ZNF773: variants seen among roughly 807,000 people sequenced by gnomAD.
The protein encoded by ZNF773 is zinc finger protein 419B.
ZNF773 carries 11 observed loss-of-function variants against 12.8 expected under a neutral mutation model. The ratio of observed to expected loss-of-function variants is 0.86; its 90% CI spans 0.54 to 1.42. The LOEUF (loss-of-function observed/expected upper bound fraction) is 1.42. Ranked by LOEUF, ZNF773 falls within the 40% of genes most tolerant of loss-of-function variation. The pLI is 0.00. For missense variants in ZNF773, 518 were observed against 527.2 expected, an observed-to-expected ratio of 0.98 and a Z score of 0.17; for synonymous variants, 175 against 178.4, an observed-to-expected ratio of 0.98 and a Z score of 0.15.
intron 1 of ZNF773, among the ~76,000 whole-genome samples, chr19:57,503,102 C>T (rs1424020361): frequency 6.6e-6 from 1 of 152,072 alleles, no homozygotes; most frequent in African/African-American, 2.4e-5. Context: ...TAGGTTTTGG[C>T]CATGTTGATA....
chr19:57,507,818 C>G lies in ZNF773; in HGVS notation c.*394C>G. 2 of 589,750 alleles carry G rather than the reference C, an allele frequency of 3.4e-6. No homozygotes were observed. Among genetic ancestry groups the G allele is most frequent in the Non-Finnish European group, 2.2e-6 (1 of 460,032 alleles). 36.5% of individuals were successfully genotyped at this position (589,750 alleles called of 1,614,324 possible). On this transcript the variant is annotated 3_prime_UTR_variant, in exon 4 of 4. Coordinates refer to ENST00000282292, the MANE Select transcript of ZNF773 (RefSeq NM_198542.3). ...TGAAACCACATCTCTACTAAAAATA[C>G]AAAAATTTACTGGGCATGGTGGTGG...
chr19:57,515,084 T>G (rs1426058558), downstream of ZNF773: 2 of 152,238 alleles, frequency 1.3e-5, no homozygotes, highest in East Asian at 3.8e-4. Context: ...TAACATTGTC[T>G]GTGATTCAGC....
chr19:57,513,143 G>A, downstream of ZNF773: 1 of 1,396,430 alleles, frequency 7.2e-7, no homozygotes, highest in Non-Finnish European at 9.4e-7. Flanking sequence ...TGCTGGCAGT[G>A]GATATAAGGT....
rs376747400 is a variant in ZNF773, at chr19:57,505,411, G to C, written c.262+11G>C. 5 of 1,613,946 alleles carry C rather than the reference G, an allele frequency of 3.1e-6. No homozygotes were observed. The African/African-American group carries it at 6.7e-5, about 22-fold the overall frequency. On this transcript the variant is annotated intron_variant, in intron 3 of 3. Transcript: ENST00000282292. The stretch of plus-strand genomic sequence containing the variant: ...CAGCCATACTGAGAGGTACTTGGTG[G>C]GTGGAGCTCAGGGAGGTATGAACTC...
At chr19:57,506,234 G>T in intron 3 of ZNF773, 124 bp from the exon 4 acceptor site, 1 of 1,464,552 alleles carries the variant, frequency 6.8e-7, no homozygotes, top group Non-Finnish European at 9.1e-7. Flanking sequence ...CCCACCAAGC[G>T]CTAGCCCCCT....
downstream of ZNF773, chr19:57,514,417 A>G (rs971454621): frequency 1.3e-5 from 2 of 152,186 alleles, no homozygotes; most frequent in African/African-American, 2.4e-5. Context: ...CTCCAAGGAG[A>G]TTCTTCATTA....
rs369753452 is a variant in ZNF773 at position 57,505,426 on chromosome 19, G to C, written c.262+26G>C. On this transcript the variant is annotated intron_variant, in intron 3 of 3. Transcript: ENST00000282292. ...GTACTTGGTGGGTGGAGCTCAGGGAGGTATGAACTCGGGTATGGGTTTGTA... is the reference window on the plus strand; with the variant it reads ...GTACTTGGTGGGTGGAGCTCAGGGACGTATGAACTCGGGTATGGGTTTGTA... The C allele has an allele frequency of 2.4e-5, 39 of 1,613,132 alleles. No individual in the cohort carries two copies. The South Asian group carries it at 3.7e-4, about 15-fold the overall frequency.
Position 57,506,584 on chromosome 19 carries a change from C to G in ZNF773, c.489C>G (p.Leu163=), listed in dbSNP as rs139587184. 2 of 1,614,072 alleles carry G rather than the reference C, an allele frequency of 1.2e-6. No individual in the cohort carries two copies. The highest frequency in any genetic ancestry group is 1.7e-6 in the Non-Finnish European group (2 of 1,180,018). The part of the protein sequence containing the change: ...GKDLLTSSGV[L]KHQVTHTGEK... The stretch of plus-strand genomic sequence containing the variant: ...ATCTTCTGACCAGCTCAGGTGTTCT[C>G]AAGCACCAGGTGACTCACACGGGAG... The change falls in exon 4 of 4, where the codon CTC becomes CTG. Residue 163 remains leucine, a synonymous_variant. Transcript: ENST00000282292.
chr19:57,507,218 A>C lies in ZNF773; in HGVS notation c.1123A>C (p.Met375Leu), dbSNP rs1193599542. The change falls in exon 4 of 4, where the codon ATG becomes CTG. Residue 375 changes from methionine (M) to leucine (L), a missense_variant. Transcript: ENST00000282292. ...GKFFSQSSSL[M>L]QHRKVHTGEK... ...ATTTTTTAGCCAAAGCTCAAGCCTC[A>C]TGCAACATCGAAAAGTTCACACTGG... 2 of 1,611,202 alleles carry C rather than the reference A, an allele frequency of 1.2e-6. No homozygotes were observed. Among genetic ancestry groups the C allele is most frequent in the Non-Finnish European group, 8.5e-7 (1 of 1,177,994 alleles).
chr19:57,507,172 T>G lies in ZNF773; in HGVS notation c.1077T>G (p.Tyr359Ter), dbSNP rs761681417. 3.1e-6 allele frequency: 5 copies of G among 1,614,028 alleles called. No homozygotes were observed. The highest frequency in any genetic ancestry group is 1.3e-5 in the African/African-American group (1 of 74,902). The change falls in exon 4 of 4, where the codon TAT (tyrosine) becomes TAG (stop). Residue 359 changes from tyrosine to a stop codon, truncating the protein, a stop_gained. Coordinates refer to ENST00000282292, the MANE Select transcript of ZNF773 (RefSeq NM_198542.3). LOFTEE classifies it low-confidence loss of function (END_TRUNC). ...HWRVHTGERP[Y>*]ECSECGKFFS... ...GTGTTCACACTGGAGAAAGGCCTTATGAGTGCAGTGAATGTGGGAAATTTT... is the reference window on the plus strand; with the variant it reads ...GTGTTCACACTGGAGAAAGGCCTTAGGAGTGCAGTGAATGTGGGAAATTTT...
downstream of ZNF773, among the ~76,000 whole-genome samples, chr19:57,512,611 G>C (rs1267529563): frequency 6.6e-6 from 1 of 152,032 alleles, no homozygotes; most frequent in African/African-American, 2.4e-5. Flanking sequence ...CACCACGTTG[G>C]TCTGTGTTGG....
Position 57,507,213 on chromosome 19 carries a change from G to C in ZNF773, c.1118G>C (p.Ser373Thr), listed in dbSNP as rs1193854164. ...GGGAAATTTTTTAGCCAAAGCTCAA[G>C]CCTCATGCAACATCGAAAAGTTCAC... is the stretch of plus-strand genomic sequence containing the variant. ...ECGKFFSQSS[S>T]LMQHRKVHTG... is the part of the protein sequence containing the mutation. The change falls in exon 4 of 4, where the codon AGC becomes ACC. Residue 373 changes from serine to threonine, a missense_variant. Physicochemically the swap from Ser to Thr is moderately conservative, Grantham distance 58. Transcript: ENST00000282292. 1.2e-6 allele frequency: 2 copies of C among 1,611,180 alleles called. No homozygotes were observed. Among genetic ancestry groups the C allele is most frequent in the Admixed American group, 1.7e-5 (1 of 59,886 alleles).
At position 57,504,715 on chromosome 19, in the gene ZNF773, T is replaced by C; in HGVS notation, c.92T>C (p.Leu31Ser). 6 of 1,613,974 alleles carry C rather than the reference T, an allele frequency of 3.7e-6. No homozygotes were observed. The highest frequency in any genetic ancestry group is 5.1e-6 in the Non-Finnish European group (6 of 1,179,968). The change falls in exon 2 of 4, where the codon TTG becomes TCG. Residue 31 changes from leucine (L) to serine (S), a missense_variant. Transcript: ENST00000282292. ...AVYFSQEEWR[L>S]LDDAQRLLYR... ...TACTTCTCCCAGGAGGAATGGAGAT[T>C]GCTTGATGACGCTCAGAGGCTCCTC...
downstream of ZNF773, chr19:57,512,959 C>T (rs538656591): frequency 2.8e-5 from 41 of 1,480,382 alleles, no homozygotes; most frequent in Non-Finnish European, 3.6e-5. Context: ...AAGGAGCCCT[C>T]TGACCCCTTC....
downstream of ZNF773, among the ~76,000 whole-genome samples, chr19:57,512,552 C>T (rs1437698357): frequency 6.6e-6 from 1 of 151,310 alleles, no homozygotes; most frequent in African/African-American, 2.4e-5. Flanking sequence ...TACAGGTGTG[C>T]ACCACCACGC....
At chr19:57,516,135 G>A (rs6510088), downstream of ZNF773, 32,188 of 154,886 alleles carry the variant, frequency 0.21, 3,507 homozygotes, top group African/African-American at 0.25. Flanking sequence ...GATCTCAACT[G>A]TGGGCCCAGC....
intron 2 of ZNF773, 133 bp downstream of exon 2, chr19:57,504,919 T>C (rs2089712073): frequency 7.7e-7 from 1 of 1,295,324 alleles, no homozygotes. Context: ...GAAGTAGCTA[T>C]TGTAATAGGC....
At chr19:57,509,662 T>C (rs1159338535), downstream of ZNF773, among the ~76,000 whole-genome samples, 2 of 152,220 alleles carry the variant, frequency 1.3e-5, no homozygotes, top group Non-Finnish European at 2.9e-5. Context: ...GTTCTTTAGG[T>C]CATAAGTATA....
downstream of ZNF773, among the ~76,000 whole-genome samples, chr19:57,510,235 G>C (rs1376904304): frequency 1.3e-5 from 2 of 152,306 alleles, no homozygotes; most frequent in East Asian, 1.9e-4. Flanking sequence ...ATCAAGAATA[G>C]AAGTTAGATT....
Sources: gnomAD v4.1 joint callset for allele counts (sites outside exome capture counted in the v4.1 genomes callset) on GRCh38, gnomAD v4.1.1 for gene constraint, MANE v1.5 for transcripts, NCBI Gene and HGNC (gene_info 2026-07-23, HGNC 2026-07-21) for gene names.